The following FLOT2 variants were observed in gnomAD, a reference collection of about 807,000 sequenced individuals.
FLOT2 encodes the protein flotillin 2.
In FLOT2, 35 loss-of-function variants were observed where a neutral mutation model predicts 54.9. The ratio of observed to expected loss-of-function variants is 0.64; its 90% CI spans 0.49 to 0.84. The LOEUF is 0.84. Ranked by LOEUF, FLOT2 falls within the 40% of genes least tolerant of loss-of-function variation. The pLI is 0.00. For synonymous variants in FLOT2, 207 were observed against 228.9 expected, an observed-to-expected ratio of 0.90 and a Z score of 0.86; for missense variants, 464 against 572.1, an observed-to-expected ratio of 0.81 and a Z score of 1.93.
intron 2 of FLOT2, among the ~76,000 whole-genome samples, chr17:28,887,406 G>A (rs2039568797): frequency 6.6e-6 from 1 of 152,200 alleles, no homozygotes; most frequent in African/African-American, 2.4e-5. Flanking sequence ...GAAGGAGAAG[G>A]ATTACTGGCT....
Position 28,879,475 on chromosome 17 carries a change from GGGAC to G in FLOT2, c.*1082_*1085del. ...TGGGGCAGGGCCAGGGTGGGGAGCT[GGGAC>G]CACTGGACATTCACAGCACCCCTGC... On this transcript the variant is annotated 3_prime_UTR_variant, in exon 11 of 11. Transcript: ENST00000394908. The G allele has an allele frequency of 1.0e-6, 1 of 987,150 alleles. No individual in the cohort carries two copies. Among genetic ancestry groups the G allele is most frequent in the Non-Finnish European group, 1.2e-6 (1 of 830,224 alleles). 61.1% of individuals were successfully genotyped at this position (987,150 alleles called of 1,614,324 possible). A position where few individuals can be genotyped will look rare whatever the true frequency, so the allele number is the denominator to read the frequency against.
chr17:28,882,493 G>A lies in FLOT2; in HGVS notation c.466-43C>T. Reference sequence around the variant, plus strand: ...TATCAGAGGCTCAAAGGAGCAGCCAGAGGCACAAAGGTGCCCCTCTAACAA... The same window carrying A: ...TATCAGAGGCTCAAAGGAGCAGCCAAAGGCACAAAGGTGCCCCTCTAACAA... On this transcript the variant is annotated intron_variant, in intron 5 of 10. Transcript: ENST00000394908. This position sits in a 1 kb window ranked among gnomAD's most constrained non-coding sequence, Gnocchi z 5.6. The A allele has an allele frequency of 3.8e-6, 6 of 1,599,962 alleles. No homozygotes were observed. Among genetic ancestry groups the A allele is most frequent in the Non-Finnish European group, 5.1e-6 (6 of 1,167,282 alleles).
intron 1 of FLOT2, among the ~76,000 whole-genome samples, chr17:28,894,168 C>T (rs2039701142): frequency 6.6e-6 from 1 of 152,222 alleles, no homozygotes; most frequent in Non-Finnish European, 1.5e-5. Context: ...GTGTGTCCAG[C>T]CCACTTTCTT....
chr17:28,890,443 G>A (rs2152649328), intron 1 of FLOT2, among the ~76,000 whole-genome samples: 1 of 149,906 alleles, frequency 6.7e-6, no homozygotes, highest in Middle Eastern at 3.6e-3. Context: ...CTGGAGTGCA[G>A]TGGTGCGATC....
chr17:28,883,177 C>G lies in FLOT2; in HGVS notation c.277G>C (p.Gly93Arg). The G allele has an allele frequency of 1.9e-6, 3 of 1,614,106 alleles. No individual in the cohort carries two copies. The highest frequency in any genetic ancestry group is 2.5e-6 in the Non-Finnish European group (3 of 1,180,008). The change falls in exon 4 of 11, where the codon GGT (glycine) becomes CGT (arginine). Residue 93 changes from glycine to arginine, a missense_variant. Coordinates refer to ENST00000394908, the MANE Select transcript of FLOT2 (RefSeq NM_004475.3). This position sits in a 1 kb window ranked among gnomAD's most constrained non-coding sequence, Gnocchi z 5.0. ...TTTTTGATGTCCTGCACATTCTTAC[C>G]CAGAAACTGCTCACAAGCCACGGCC... ...LLAVACEQFL[G>R]KNVQDIKNVV... is the part of the protein sequence containing the mutation.
intron 2 of FLOT2, chr17:28,885,946 G>A: frequency 6.5e-7 from 1 of 1,547,288 alleles, no homozygotes; most frequent in Non-Finnish European, 8.7e-7. Context: ...TCCAGAGACA[G>A]TCTGAGGAGC....
chr17:28,889,257 T>C (rs982121294), intron 1 of FLOT2, among the ~76,000 whole-genome samples: 8 of 152,008 alleles, frequency 5.3e-5, no homozygotes, highest in Non-Finnish European at 8.8e-5. Context: ...GGATAGCCAA[T>C]GAATAGTTTA....
rs142843173 is a variant in FLOT2, at chr17:28,881,581, G to C, written c.915-206C>G. Among the ~76,000 whole-genome samples the C allele has an allele frequency of 3.3e-5, 5 of 152,324 alleles. No individual in the cohort carries two copies. The East Asian group carries it at 9.7e-4, about 29-fold the overall frequency. On this transcript the variant is annotated intron_variant, in intron 8 of 10. Coordinates refer to ENST00000394908, the MANE Select transcript of FLOT2 (RefSeq NM_004475.3). ...CTGTAAGTGGGAGGGGACAAACCAG[G>C]ATGCCGTCTATGCCCAAGCACTACA...
In FLOT2 at chr17:28,881,257, C is replaced by T; in HGVS notation, c.1033G>A (p.Ala345Thr). The T allele has an allele frequency of 1.2e-6, 2 of 1,614,228 alleles. No homozygotes were observed. The highest frequency in any genetic ancestry group is 2.2e-5 in the East Asian group (1 of 44,888). ...TCCCCGTATTTCTGGTAGGCTTCTGCCTTGAGCTTCATCCGCTCAGCCTCT... is the reference window on the plus strand; with the variant it reads ...TCCCCGTATTTCTGGTAGGCTTCTGTCTTGAGCTTCATCCGCTCAGCCTCT... ...KAEAERMKLKAEAYQKYGDAA... is the reference protein window; with the variant it reads ...KAEAERMKLKTEAYQKYGDAA... The change falls in exon 9 of 11, where the codon GCA (alanine) becomes ACA (threonine). Residue 345 changes from alanine to threonine, a missense_variant. Physicochemically the swap from Ala to Thr is moderately conservative, Grantham distance 58. Coordinates refer to ENST00000394908, the MANE Select transcript of FLOT2 (RefSeq NM_004475.3).
In FLOT2 at chr17:28,897,409, G is replaced by A. The variant is rs1000197598; in HGVS notation, c.49+117C>T. 9 of 992,864 alleles carry A rather than the reference G, an allele frequency of 9.1e-6. No homozygotes were observed. The highest frequency in any genetic ancestry group is 3.4e-5 in the African/African-American group (2 of 58,812). 61.5% of individuals were successfully genotyped at this position (992,864 alleles called of 1,614,324 possible). ...GAAGGGGCCTCAGGTGCGGCCCGGG[G>A]GCCAGCGCCCTGCGCCGCGCGGTGG... On this transcript the variant is annotated intron_variant, in intron 1 of 10. Coordinates refer to ENST00000394908, the MANE Select transcript of FLOT2 (RefSeq NM_004475.3). The surrounding 1 kb of genome is among the most constrained non-coding windows in gnomAD (Gnocchi z 4.4).
chr17:28,896,685 T>C (rs1217357377), intron 1 of FLOT2, among the ~76,000 whole-genome samples: 1 of 152,128 alleles, frequency 6.6e-6, no homozygotes, highest in Non-Finnish European at 1.5e-5. Flanking sequence ...GCACGCAGGC[T>C]GAAAAAATCA....
Position 28,879,564 on chromosome 17 carries a change from G to T in FLOT2, c.*997C>A. 1 of 985,940 alleles carries T rather than the reference G, an allele frequency of 1.0e-6. No individual in the cohort carries two copies. Among genetic ancestry groups the T allele is most frequent in the Non-Finnish European group, 1.2e-6 (1 of 830,084 alleles). The allele number at this position is 985,940 out of a possible 1,614,324, so 61.1% of individuals were successfully genotyped here. On this transcript the variant is annotated 3_prime_UTR_variant, in exon 11 of 11. Transcript: ENST00000394908. ...TTGGAGCAAGGAGACAGAGGATTGG[G>T]TTGCTTCCCCATGGCTGGAACCCCA...
rs1309019809 is a variant in FLOT2 at position 28,881,063 on chromosome 17, GCTC to G, written c.1098+126_1098+128del. On this transcript the variant is annotated intron_variant, in intron 9 of 10. Coordinates refer to ENST00000394908, the MANE Select transcript of FLOT2 (RefSeq NM_004475.3). ...AGGGTTCCTGCCCCCTGCTGAGGAT[GCTC>G]CTCATTTAACCCTTCTAGCCATCTG... is the stretch of plus-strand genomic sequence containing the variant. The G allele has an allele frequency of 4.9e-6, 5 of 1,028,040 alleles. 1 individual carries two copies. In the South Asian group the frequency reaches 6.1e-5, roughly 13 times the overall value. The allele number at this position is 1,028,040 out of a possible 1,614,324, so 63.7% of individuals were successfully genotyped here. A position where few individuals can be genotyped will look rare whatever the true frequency, so the allele number is the denominator to read the frequency against.
rs571716799 is a variant in FLOT2 at position 28,881,383 on chromosome 17, A to AG, written c.915-9dup. The AG allele has an allele frequency of 7.3e-5, 118 of 1,609,028 alleles. No homozygotes were observed. In the African/African-American group the frequency reaches 1.5e-3, roughly 21 times the overall value. On this transcript the variant is annotated splice_polypyrimidine_tract_variant and intron_variant, in intron 8 of 10. Coordinates refer to ENST00000394908, the MANE Select transcript of FLOT2 (RefSeq NM_004475.3). ...AAGAGGACCTGCTTCACCCTGGGGG[A>AG]GCCCAGGCCAGTTAGGATCAGTGGG...
chr17:28,888,803 C>CCCCCCCCCCCCCCCCCCCCCCCAA, intron 2 of FLOT2, 142 bp downstream of exon 2: 2 of 506,060 alleles, frequency 4.0e-6, no homozygotes, highest in East Asian at 4.1e-5. Context: ...AAGTCCCCCC[C>CCCCCCCCCCCCCCCCCCCCCCCAA]AACCCCACCC....
chr17:28,880,763 C>A lies in FLOT2; in HGVS notation c.1198G>T (p.Ala400Ser). 6.2e-7 allele frequency: 1 copy of A among 1,614,244 alleles called. No individual in the cohort carries two copies. The highest frequency in any genetic ancestry group is 1.3e-5 in the African/African-American group (1 of 75,062). Residue 400 changes from alanine (A) to serine (S), a missense_variant, in exon 10 of 11, where the codon GCC becomes TCC. By Grantham distance (99) the Ala-to-Ser change is moderately conservative. Transcript: ENST00000394908. ...GCATGCACAGAGGCAGGCAGCTCGG[C>A]CAGCAGTCGGTTCACTTCTGATGTG... ...KVTSEVNRLL[A>S]ELPASVHALT...
Position 28,882,399 on chromosome 17 carries a change from C to T in FLOT2, c.517G>A (p.Ala173Thr), listed in dbSNP as rs2039468879. Residue 173 changes from alanine (A) to threonine (T), a missense_variant, in exon 6 of 11, where the codon GCC becomes ACC. Coordinates refer to ENST00000394908, the MANE Select transcript of FLOT2 (RefSeq NM_004475.3). This position sits in a 1 kb window ranked among gnomAD's most constrained non-coding sequence, Gnocchi z 5.6. ...ATGTCAGCATCTCTCTGCACCACGGCAGTCTGCGTCTTGCCCAGGGAGCTC... is the reference window on the plus strand; with the variant it reads ...ATGTCAGCATCTCTCTGCACCACGGTAGTCTGCGTCTTGCCCAGGGAGCTC... The part of the protein sequence containing the change: ...YLSSLGKTQT[A>T]VVQRDADIGV... 6.2e-7 allele frequency: 1 copy of T among 1,614,108 alleles called. No homozygotes were observed.
intron 2 of FLOT2, among the ~76,000 whole-genome samples, chr17:28,887,819 G>A (rs377084063): frequency 4.2e-4 from 64 of 152,358 alleles, no homozygotes; most frequent in African/African-American, 1.4e-3. Flanking sequence ...GACACTTTGA[G>A]CCTTGGACCA....
rs749688498 is a variant in FLOT2, at chr17:28,882,336, C to T, written c.579+1G>A. On this transcript the variant is annotated splice_donor_variant, in intron 6 of 10. Coordinates refer to ENST00000394908, the MANE Select transcript of FLOT2 (RefSeq NM_004475.3). LOFTEE classifies it high-confidence loss of function. This position sits in a 1 kb window ranked among gnomAD's most constrained non-coding sequence, Gnocchi z 5.6. ...AGCTTCCCATCCTTGAACCCACATA[C>T]CCGGATGCCTGCGTCCCGTTCAGCC... is the stretch of plus-strand genomic sequence containing the variant. 2 of 1,613,950 alleles carry T rather than the reference C, an allele frequency of 1.2e-6. No homozygotes were observed. Among genetic ancestry groups the T allele is most frequent in the Non-Finnish European group, 1.7e-6 (2 of 1,180,004 alleles).
Sources: gnomAD v4.1 joint callset for allele counts (sites outside exome capture counted in the v4.1 genomes callset) on GRCh38, gnomAD v4.1.1 for gene constraint, Gnocchi (gnomAD v3.1) non-coding constraint, MANE v1.5 for transcripts, NCBI Gene and HGNC (gene_info 2026-07-23, HGNC 2026-07-21) for gene names.